Variants in DRC9 observed in about 807,000 individuals in gnomAD.
DRC9 encodes dynein regulatory complex subunit 9.
the DRC9 span, chr3:197,914,106 C>T: frequency 3.3e-5 from 45 of 1,380,150 alleles, 1 homozygote; most frequent in African/African-American, 2.7e-4. Context: ...GTTCAGTCAG[C>T]GGCTTACGGT....
chr3:197,894,416 T>G, the DRC9 span: 1 of 152,146 alleles, frequency 6.6e-6, no homozygotes, highest in Non-Finnish European at 1.5e-5. Context: ...TCTCTTTGCC[T>G]TAATAAAGGC....
the DRC9 span, among the ~76,000 whole-genome samples, chr3:197,915,163 C>CAAAAAAAAAAAAAA: frequency 2.8e-5 from 2 of 71,338 alleles, no homozygotes; most frequent in African/African-American, 4.4e-5. Flanking sequence ...GATTCTGTCT[C>CAAAAAAAAAAAAAA]AAAAAAAAAA....
chr3:197,950,877 G>A, the DRC9 span: 1 of 1,532,032 alleles, frequency 6.5e-7, no homozygotes. Flanking sequence ...AAACGAGAGG[G>A]GACGAGGTGG....
At chr3:197,912,682 T>C in the DRC9 span, 4 of 1,613,786 alleles carry the variant, frequency 2.5e-6, no homozygotes, top group Non-Finnish European at 3.4e-6. Flanking sequence ...CACCTGCTGC[T>C]CCTTTCTAAG....
the DRC9 span, chr3:197,938,617 A>G: frequency 6.2e-7 from 1 of 1,614,148 alleles, no homozygotes; most frequent in Non-Finnish European, 8.5e-7. Context: ...TTTGAAGACA[A>G]GATCCTGCAT....
At chr3:197,925,890 T>C in the DRC9 span, 3 of 672,862 alleles carry the variant, frequency 4.5e-6, no homozygotes, top group Non-Finnish European at 8.1e-6. Flanking sequence ...GGCTATGTTT[T>C]CAATAGTAAA....
the DRC9 span, among the ~76,000 whole-genome samples, chr3:197,912,291 C>T: frequency 3.3e-5 from 5 of 152,288 alleles, no homozygotes; most frequent in African/African-American, 4.8e-5. Flanking sequence ...CCACCCTCCC[C>T]GGCCTCCCAA....
chr3:197,948,220 A>G, the DRC9 span, among the ~76,000 whole-genome samples: 6 of 152,304 alleles, frequency 3.9e-5, no homozygotes, highest in African/African-American at 1.4e-4. Context: ...GGCGTGAGCC[A>G]CTGCGCCCGG....
At chr3:197,918,164 G>C in the DRC9 span, among the ~76,000 whole-genome samples, 7 of 148,842 alleles carry the variant, frequency 4.7e-5, no homozygotes, top group African/African-American at 1.7e-4. Flanking sequence ...GTGCGATCTT[G>C]GCTCACTGCA....
the DRC9 span, chr3:197,960,155 G>A: frequency 7.3e-7 from 1 of 1,377,446 alleles, no homozygotes; most frequent in Non-Finnish European, 9.9e-7. Flanking sequence ...TCCGCCGGCT[G>A]GGCCCTCCGT....
the DRC9 span, chr3:197,938,801 T>C: frequency 1.9e-6 from 3 of 1,549,764 alleles, no homozygotes; most frequent in Non-Finnish European, 2.7e-6. Context: ...AATAAACAAT[T>C]AGAAAGAATT....
the DRC9 span, among the ~76,000 whole-genome samples, chr3:197,917,865 G>T: frequency 6.6e-6 from 1 of 151,256 alleles, no homozygotes; most frequent in Non-Finnish European, 1.5e-5. Flanking sequence ...CAAGTAGCTG[G>T]GATTACAGGC....
the DRC9 span, among the ~76,000 whole-genome samples, chr3:197,938,317 CAAA>C: frequency 4.4e-5 from 5 of 114,370 alleles, no homozygotes; most frequent in Admixed American, 9.4e-5. Flanking sequence ...AACTCCATCT[CAAA>C]AAAAAAAAAA....
At chr3:197,896,391 T>C in the DRC9 span, among the ~76,000 whole-genome samples, 2 of 151,954 alleles carry the variant, frequency 1.3e-5, no homozygotes, top group East Asian at 3.9e-4. Context: ...ATTACAAAAC[T>C]ATGAGAATGG....
At chr3:197,953,913 A>G in the DRC9 span, 1 of 1,335,926 alleles carries the variant, frequency 7.5e-7, no homozygotes, top group Non-Finnish European at 1.1e-6. Context: ...GTGGGTAACC[A>G]GGGTTGAGAG....
At chr3:197,903,844 T>G in the DRC9 span, among the ~76,000 whole-genome samples, 9 of 151,678 alleles carry the variant, frequency 5.9e-5, no homozygotes, top group African/African-American at 2.2e-4. Flanking sequence ...GTGTAGTCAC[T>G]CACACCTATA....
the DRC9 span, chr3:197,950,999 TC>T: frequency 6.2e-7 from 1 of 1,612,434 alleles, no homozygotes; most frequent in Non-Finnish European, 8.5e-7. Flanking sequence ...TAAATATAGT[TC>T]TTTATTTTTG....
the DRC9 span, among the ~76,000 whole-genome samples, chr3:197,898,840 C>G: frequency 6.6e-6 from 1 of 152,078 alleles, no homozygotes; most frequent in Non-Finnish European, 1.5e-5. Context: ...TGGGTGGGGA[C>G]ACAGAACCAA....
chr3:197,952,162 G>GTTTTT, the DRC9 span, among the ~76,000 whole-genome samples: 15 of 83,886 alleles, frequency 1.8e-4, no homozygotes, highest in African/African-American at 3.1e-4. Flanking sequence ...AAAATTATGG[G>GTTTTT]TTTTTTTTTT....
Sources: gnomAD v4.1 joint callset for allele counts (sites outside exome capture counted in the v4.1 genomes callset) on GRCh38, gnomAD v4.1.1 for gene constraint, MANE v1.5 for transcripts, NCBI Gene and HGNC (gene_info 2026-07-23, HGNC 2026-07-21) for gene names.